Variants in TMEM150C observed in about 807,000 individuals in gnomAD.
TMEM150C encodes transmembrane protein 150C.
In TMEM150C, 10 loss-of-function variants were observed where a neutral mutation model predicts 29.9. The ratio of observed to expected loss-of-function variants is 0.33; its 90% CI spans 0.21 to 0.57. TMEM150C has a LOEUF of 0.57. Among genes scored for constraint, TMEM150C ranks in the 20% least tolerant of loss-of-function variants. The probability of loss-of-function intolerance (pLI) is 0.88; values close to 1 mark genes in which losing one functional copy is unlikely to be tolerated. For synonymous variants in TMEM150C, 101 were observed against 112.5 expected (o/e 0.90, Z 0.64); for missense variants, 251 against 303.6 (o/e 0.83, Z 1.29).
At position 82,557,829 on chromosome 4, in the gene TMEM150C, G is replaced by A. The variant is rs562288587; in HGVS notation, c.-11+4077C>T. On this transcript the variant is annotated intron_variant, in intron 1 of 7. Coordinates refer to ENST00000449862, the MANE Select transcript of TMEM150C (RefSeq NM_001080506.3). ...GCTCACTGCAACCTCTGCCTCTCCC[G>A]GGACCAAGCGATTCTCCTGTCTCAC... is the stretch of plus-strand genomic sequence containing the variant. 6.0e-5 allele frequency among the ~76,000 whole-genome samples: 9 copies of A among 149,466 alleles called. No homozygotes were observed. The East Asian group carries it at 1.2e-3, about 20-fold the overall frequency.
intron 1 of TMEM150C, among the ~76,000 whole-genome samples, chr4:82,529,194 G>A (rs571759500): frequency 3.9e-5 from 6 of 152,164 alleles, no homozygotes; most frequent in Admixed American, 2.0e-4. Context: ...GAATGGGAAC[G>A]ATCAGAGAAA....
At chr4:82,560,419 T>C (rs1578163846) in intron 1 of TMEM150C, among the ~76,000 whole-genome samples, 1 of 152,220 alleles carries the variant, frequency 6.6e-6, no homozygotes, top group Admixed American at 6.5e-5. Context: ...CTTGGGGGAC[T>C]TGCAAAACAT....
In TMEM150C at chr4:82,524,945, C is replaced by A. The variant is rs1028591655; in HGVS notation, c.-10-20278G>T. 1.2e-4 allele frequency among the ~76,000 whole-genome samples: 19 copies of A among 152,270 alleles called. No individual in the cohort carries two copies. The South Asian group carries it at 1.5e-3, about 12-fold the overall frequency. ...CACAGAAACACGGTGTGATTACAAACTAAATGAGAAGGATTTTTACCGATG... is the reference window on the plus strand; with the variant it reads ...CACAGAAACACGGTGTGATTACAAAATAAATGAGAAGGATTTTTACCGATG... On this transcript the variant is annotated intron_variant, in intron 1 of 7. Transcript: ENST00000449862.
chr4:82,493,662 G>A (rs1389930655), intron 6 of TMEM150C, among the ~76,000 whole-genome samples: 3 of 152,166 alleles, frequency 2.0e-5, no homozygotes, highest in East Asian at 1.9e-4. Flanking sequence ...AGCCCTGGTC[G>A]AGAGAAACAA....
At chr4:82,548,884 CAG>C (rs559117042) in intron 1 of TMEM150C, among the ~76,000 whole-genome samples, 10 of 152,180 alleles carry the variant, frequency 6.6e-5, no homozygotes, top group Admixed American at 5.9e-4. Flanking sequence ...GTGCAGGAAA[CAG>C]AGTTTGTGAT....
chr4:82,537,166 T>C (rs1297162473), intron 1 of TMEM150C, among the ~76,000 whole-genome samples: 1 of 152,078 alleles, frequency 6.6e-6, no homozygotes, highest in East Asian at 1.9e-4. Context: ...TGTATTTTTT[T>C]AGTAGAGATG....
chr4:82,554,031 A>T (rs1225105491), intron 1 of TMEM150C, among the ~76,000 whole-genome samples: 1 of 152,226 alleles, frequency 6.6e-6, no homozygotes, highest in Non-Finnish European at 1.5e-5. Flanking sequence ...TTAGCTGCTA[A>T]AATTACAGGA....
intron 1 of TMEM150C, among the ~76,000 whole-genome samples, chr4:82,555,346 A>T (rs750771782): frequency 2.0e-5 from 3 of 152,232 alleles, no homozygotes; most frequent in Non-Finnish European, 4.4e-5. Context: ...ACTATCTGCT[A>T]AAAACAAATG....
At chr4:82,491,773 A>G (rs1723358106) in intron 6 of TMEM150C, 1 of 334,672 alleles carries the variant, frequency 3.0e-6, no homozygotes, top group Non-Finnish European at 5.4e-6. Context: ...AAGTGCTGAG[A>G]TTACAGGCGT....
intron 1 of TMEM150C, among the ~76,000 whole-genome samples, chr4:82,529,945 GA>G (rs1239344038): frequency 6.6e-6 from 1 of 152,094 alleles, no homozygotes; most frequent in Non-Finnish European, 1.5e-5. Context: ...AGTAGAGGCT[GA>G]AAGTATGGAA....
rs1407856595 is a variant in TMEM150C, at chr4:82,490,235, T to C, written c.367A>G (p.Thr123Ala). The C allele has an allele frequency of 6.2e-7, 1 of 1,613,710 alleles. No homozygotes were observed. The highest frequency in any genetic ancestry group is 1.3e-5 in the African/African-American group (1 of 74,910). Residue 123 changes from threonine to alanine, a missense_variant, in exon 7 of 8, where the codon ACA becomes GCA. By Grantham distance (58) the Thr-to-Ala change is moderately conservative. Coordinates refer to ENST00000449862, the MANE Select transcript of TMEM150C (RefSeq NM_001080506.3). ...ACGTTATGGATTTCTTCATCATTTGTGAGCTTAGGGATGAATGGATAATGA... is the reference window on the plus strand; with the variant it reads ...ACGTTATGGATTTCTTCATCATTTGCGAGCTTAGGGATGAATGGATAATGA... The part of the protein sequence containing the change: ...GMTLLGNFQL[T>A]NDEEIHNVGT...
chr4:82,490,969 C>T, intron 6 of TMEM150C: 2 of 733,344 alleles, frequency 2.7e-6, no homozygotes, highest in South Asian at 1.4e-5. Flanking sequence ...ATAGCTTCCA[C>T]CCGCTTAGCC....
At chr4:82,550,815 G>C (rs1725552675) in intron 1 of TMEM150C, among the ~76,000 whole-genome samples, 1 of 151,912 alleles carries the variant, frequency 6.6e-6, no homozygotes, top group Admixed American at 6.6e-5. Flanking sequence ...AAGAAAGAAA[G>C]AAAGGAAGAG....
chr4:82,544,257 G>A lies in TMEM150C; in HGVS notation c.-11+17649C>T, dbSNP rs149333136. On this transcript the variant is annotated intron_variant, in intron 1 of 7. Transcript: ENST00000449862. ...GTAGTGTGAGCAGCTAGTCACTATC[G>A]CATGACTTGGAGGGTGATAATAGAG... Among the ~76,000 whole-genome samples, 692 of 152,276 alleles carry A rather than the reference G, an allele frequency of 4.5e-3. 7 individuals are homozygous for A. Among genetic ancestry groups the A allele is most frequent in the Middle Eastern group, 0.014 (4 of 294 alleles).
In TMEM150C at chr4:82,502,774, G is replaced by A. The variant is rs1283779640; in HGVS notation, c.188C>T (p.Pro63Leu). The A allele has an allele frequency of 1.9e-6, 3 of 1,607,968 alleles. No homozygotes were observed. The African/African-American group carries it at 4.0e-5, about 21-fold the overall frequency. The stretch of plus-strand genomic sequence containing the variant: ...AACTTGACTAAACACACAGCTTGCA[G>A]GAGGATCATCACCTGCAATGCTTGA... ...PYISIAGDDP[P>L]ASCVFSQVMN... Residue 63 changes from proline (P) to leucine (L), a missense_variant, in exon 5 of 8, where the codon CCT (proline) becomes CTT (leucine). Coordinates refer to ENST00000449862, the MANE Select transcript of TMEM150C (RefSeq NM_001080506.3).
At chr4:82,525,006 C>G (rs1265833017) in intron 1 of TMEM150C, among the ~76,000 whole-genome samples, 1 of 152,182 alleles carries the variant, frequency 6.6e-6, no homozygotes, top group Non-Finnish European at 1.5e-5. Flanking sequence ...ACTGGGGGAG[C>G]AGGAACCTAT....
chr4:82,557,422 G>A (rs1310754338), intron 1 of TMEM150C, among the ~76,000 whole-genome samples: 1 of 152,118 alleles, frequency 6.6e-6, no homozygotes, highest in African/African-American at 2.4e-5. Flanking sequence ...TGTAATCAAG[G>A]GAAGAGTGCG....
At chr4:82,490,836 G>T (rs746846453) in intron 6 of TMEM150C, 109 of 628,694 alleles carry the variant, frequency 1.7e-4, no homozygotes, top group Non-Finnish European at 1.6e-4. Flanking sequence ...ACCCAGCTTG[G>T]TGGCAAGTTC....
Position 82,502,765 on chromosome 4 carries a change from C to T in TMEM150C, c.197G>A (p.Cys66Tyr). 1 of 1,609,256 alleles carries T rather than the reference C, an allele frequency of 6.2e-7. No individual in the cohort carries two copies. The highest frequency in any genetic ancestry group is 8.5e-7 in the Non-Finnish European group (1 of 1,177,598). Residue 66 changes from cysteine to tyrosine, a missense_variant, in exon 5 of 8, where the codon TGT becomes TAT. By Grantham distance (194) the Cys-to-Tyr change is radical (BLOSUM62 -2). Transcript: ENST00000449862. ...SIAGDDPPAS[C>Y]VFSQVMNMAA... ...CATGTTCATAACTTGACTAAACACACAGCTTGCAGGAGGATCATCACCTGC... is the reference window on the plus strand; with the variant it reads ...CATGTTCATAACTTGACTAAACACATAGCTTGCAGGAGGATCATCACCTGC...
Sources: gnomAD v4.1 joint callset for allele counts (sites outside exome capture counted in the v4.1 genomes callset) on GRCh38, gnomAD v4.1.1 for gene constraint, MANE v1.5 for transcripts, NCBI Gene and HGNC (gene_info 2026-07-23, HGNC 2026-07-21) for gene names.